Variants in ASPH observed in about 807,000 individuals in gnomAD.
The protein encoded by ASPH is aspartyl/asparaginyl beta-hydroxylase.
Under a neutral mutation model 118.4 loss-of-function variants are expected in ASPH, and 100 were observed. That is an observed-to-expected ratio of 0.84 (90% CI 0.72 to 1.00). The LOEUF (loss-of-function observed/expected upper bound fraction) is 1.00. ASPH is among the 50% of genes least tolerant of loss of function. ASPH has a pLI of 0.00. For missense variants in ASPH, 920 were observed against 919.5 expected (o/e 1.00, Z -0.01); for synonymous variants, 315 against 325.6 (o/e 0.97, Z 0.35).
intron 1 of ASPH, among the ~76,000 whole-genome samples, chr8:61,694,399 A>C (rs1833436583): frequency 6.6e-6 from 1 of 152,004 alleles, no homozygotes; most frequent in Non-Finnish European, 1.5e-5. Context: ...TTCATTTTCT[A>C]ACCTCCCACT....
intron 16 of ASPH, among the ~76,000 whole-genome samples, chr8:61,570,986 T>C (rs1365088802): frequency 6.6e-6 from 1 of 152,238 alleles, no homozygotes; most frequent in Non-Finnish European, 1.5e-5. Flanking sequence ...AAATGAGAGA[T>C]ACTATAGTTT....
chr8:61,640,955 G>A (rs1474271463), intron 10 of ASPH, among the ~76,000 whole-genome samples: 2 of 152,180 alleles, frequency 1.3e-5, no homozygotes, highest in Admixed American at 1.3e-4. Context: ...ATGTGGTTTT[G>A]TTTTCACCCT....
chr8:61,571,546 ATTATT>A (rs1486719896), intron 16 of ASPH, among the ~76,000 whole-genome samples: 1 of 152,110 alleles, frequency 6.6e-6, no homozygotes, highest in African/African-American at 2.4e-5. Context: ...TTTTATTCGT[ATTATT>A]TTAATTGTTG....
chr8:61,631,401 C>G (rs182662537), intron 13 of ASPH, among the ~76,000 whole-genome samples: 1 of 152,214 alleles, frequency 6.6e-6, no homozygotes, highest in East Asian at 1.9e-4. Flanking sequence ...ATTTTCTATA[C>G]CATATTTTTA....
At position 61,502,331 on chromosome 8, in the gene ASPH, A is replaced by AATC. The variant is rs1805078190; in HGVS notation, c.*1025_*1027dup. 6.6e-6 allele frequency: 1 copy of AATC among 152,152 alleles called. No homozygotes were observed. The highest frequency in any genetic ancestry group is 1.9e-4 in the East Asian group (1 of 5,196). 9.4% of individuals were successfully genotyped at this position (152,152 alleles called of 1,614,324 possible). A position where few individuals can be genotyped will look rare whatever the true frequency, so the allele number is the denominator to read the frequency against. On this transcript the variant is annotated 3_prime_UTR_variant, in exon 25 of 25. Coordinates refer to ENST00000379454, the MANE Select transcript of ASPH (RefSeq NM_004318.4). The stretch of plus-strand genomic sequence containing the variant: ...GGTAACCTTTTACTCTGCCATCCTT[A>AATC]ATCTTTCTACAGAATTGTAGCAGAA...
At chr8:61,599,025 C>A (rs1563965161) in intron 14 of ASPH, among the ~76,000 whole-genome samples, 1 of 152,032 alleles carries the variant, frequency 6.6e-6, no homozygotes, top group Non-Finnish European at 1.5e-5. Flanking sequence ...GCACTAAACA[C>A]CTACAACAAA....
chr8:61,525,368 A>C (rs1814904871), intron 22 of ASPH, among the ~76,000 whole-genome samples: 1 of 145,112 alleles, frequency 6.9e-6, no homozygotes, highest in East Asian at 2.4e-4. Flanking sequence ...ACACACACAC[A>C]CATACACACA....
intron 1 of ASPH, among the ~76,000 whole-genome samples, chr8:61,699,565 TAAATTA>T (rs1298418805): frequency 6.6e-6 from 1 of 152,096 alleles, no homozygotes; most frequent in Non-Finnish European, 1.5e-5. Flanking sequence ...CTCGACTCTT[TAAATTA>T]AATCACCAGA....
At chr8:61,696,684 G>A (rs1279785419) in intron 1 of ASPH, among the ~76,000 whole-genome samples, 1 of 151,994 alleles carries the variant, frequency 6.6e-6, no homozygotes, top group Non-Finnish European at 1.5e-5. Flanking sequence ...ATTCCTCTGA[G>A]CTATTCAATT....
chr8:61,640,213 G>C (rs1804477850), intron 10 of ASPH, among the ~76,000 whole-genome samples: 1 of 152,198 alleles, frequency 6.6e-6, no homozygotes, highest in Admixed American at 6.5e-5. Flanking sequence ...GACAGAGAGA[G>C]ATGTGATGCA....
chr8:61,646,965 T>C, intron 5 of ASPH, 87 bp from the exon 6 acceptor site: 4 of 1,563,920 alleles, frequency 2.6e-6, no homozygotes, highest in South Asian at 1.1e-5. Context: ...CTGCTCCTGC[T>C]GCTGGGGCTT....
chr8:61,602,918 C>T lies in ASPH; in HGVS notation c.976+16060G>A, dbSNP rs760211119. 1.7e-3 allele frequency among the ~76,000 whole-genome samples: 259 copies of T among 152,088 alleles called. 1 individual carries two copies. Among genetic ancestry groups the T allele is most frequent in the Non-Finnish European group, 1.6e-3 (109 of 67,976 alleles). ...ATCTAAAAAGAAATTCACAGCTGGG[C>T]GTGGTGGCTCATGCCTGTAATCCCA... On this transcript the variant is annotated intron_variant, in intron 14 of 24. Coordinates refer to ENST00000379454, the MANE Select transcript of ASPH (RefSeq NM_004318.4).
At chr8:61,665,135 T>C (rs949944508) in intron 3 of ASPH, 2 of 1,473,032 alleles carry the variant, frequency 1.4e-6, no homozygotes, top group Non-Finnish European at 1.8e-6. Context: ...AATGATACAT[T>C]CAATGGCTAA....
chr8:61,633,792 C>A, intron 12 of ASPH, 65 bp from the exon 13 acceptor site: 2 of 1,128,658 alleles, frequency 1.8e-6, no homozygotes, highest in South Asian at 1.6e-5. Flanking sequence ...ATATGCGTTG[C>A]CAGATTTAAG....
chr8:61,530,379 T>A (rs1385483114), intron 21 of ASPH, among the ~76,000 whole-genome samples: 1 of 152,220 alleles, frequency 6.6e-6, no homozygotes, highest in African/African-American at 2.4e-5. Context: ...CATCTCAGCA[T>A]GTGCCTCACC....
At chr8:61,550,431 G>A (rs1825523175) in intron 20 of ASPH, among the ~76,000 whole-genome samples, 1 of 122,354 alleles carries the variant, frequency 8.2e-6, no homozygotes, top group Admixed American at 8.2e-5. Context: ...TGGTTTTTAT[G>A]CACATGTACA....
chr8:61,597,296 C>T (rs763399123), intron 14 of ASPH, among the ~76,000 whole-genome samples: 3 of 151,510 alleles, frequency 2.0e-5, no homozygotes, highest in Non-Finnish European at 4.4e-5. Context: ...GCATATGCAT[C>T]GCTTGAGCTC....
rs1350465648 is a variant in ASPH at position 61,507,871 on chromosome 8, G to A, written c.2127-4362C>T. On this transcript the variant is annotated intron_variant, in intron 24 of 24. Coordinates refer to ENST00000379454, the MANE Select transcript of ASPH (RefSeq NM_004318.4). ...AATCTTCAGAGCGGCCTGTGACAGA[G>A]GTCTGCCTGGAAGTACTGTTACAGC... 2.6e-5 allele frequency among the ~76,000 whole-genome samples: 4 copies of A among 152,160 alleles called. No individual in the cohort carries two copies. In the East Asian group the frequency reaches 7.7e-4, roughly 29 times the overall value.
At position 61,714,363 on chromosome 8, in the gene ASPH, C is replaced by A; in HGVS notation, c.9G>T (p.Gln3His). Residue 3 changes from glutamine (Q) to histidine (H), a missense_variant, in exon 1 of 25, where the codon CAG becomes CAT. Coordinates refer to ENST00000379454, the MANE Select transcript of ASPH (RefSeq NM_004318.4). MAQRKNAKSSGNS... is the reference protein window; with the variant it reads MAHRKNAKSSGNS... Reference sequence around the variant, plus strand: ...TGCCGCTGCTCTTGGCATTCTTACGCTGGGCCATTGCACGGTCCGCGGGGG... The same window carrying A: ...TGCCGCTGCTCTTGGCATTCTTACGATGGGCCATTGCACGGTCCGCGGGGG... 6.6e-7 allele frequency: 1 copy of A among 1,517,390 alleles called. No homozygotes were observed. The highest frequency in any genetic ancestry group is 2.7e-5 in the East Asian group (1 of 36,494). The allele number at this position is 1,517,390 out of a possible 1,614,324, so 94.0% of individuals were successfully genotyped here.
Sources: gnomAD v4.1 joint callset for allele counts (sites outside exome capture counted in the v4.1 genomes callset) on GRCh38, gnomAD v4.1.1 for gene constraint, MANE v1.5 for transcripts, NCBI Gene and HGNC (gene_info 2026-07-23, HGNC 2026-07-21) for gene names.